The following GRN variants were observed in gnomAD, a reference collection of about 807,000 sequenced individuals.
The protein encoded by GRN is progranulin.
In GRN, 30 loss-of-function variants were observed where a neutral mutation model predicts 66.7. That is an observed-to-expected ratio of 0.45 (90% CI 0.34 to 0.61). The LOEUF (loss-of-function observed/expected upper bound fraction) is 0.61. GRN is among the 20% of genes least tolerant of loss of function. GRN has a pLI of 0.01. For synonymous variants in GRN, 327 were observed against 311.1 expected (o/e 1.05, Z -0.54); for missense variants, 731 against 803.5 (o/e 0.91, Z 1.09).
chr17:44,349,001 C>A (rs967921375), intron 1 of GRN, among the ~76,000 whole-genome samples, 157 bp from the exon 2 acceptor site: 1 of 152,278 alleles, frequency 6.6e-6, no homozygotes, highest in Non-Finnish European at 1.5e-5. Context: ...TGACTCTCAG[C>A]CCCTGCAGAT....
intron 4 of GRN, 70 bp downstream of exon 4, chr17:44,349,821 C>T: frequency 9.6e-7 from 1 of 1,037,752 alleles, no homozygotes; most frequent in South Asian, 1.3e-5. Context: ...AGGAGCCCAG[C>T]TGGCGGGGGC....
chr17:44,349,221 G>T lies in GRN; in HGVS notation c.57G>T (p.Arg19=), dbSNP rs1426790644. The change falls in exon 2 of 13, where the codon CGG becomes CGT. Residue 19 remains arginine (R), a synonymous_variant. Transcript: ENST00000053867. ...CAGCAGGGCTGGTGGCTGGAACGCG[G>T]TGCCCAGATGGTCAGTTCTGCCCTG... The part of the protein sequence containing the change: ...ALTAGLVAGT[R]CPDGQFCPVA... The T allele has an allele frequency of 8.1e-6, 13 of 1,613,940 alleles. No homozygotes were observed. In the East Asian group the frequency reaches 2.9e-4, roughly 36 times the overall value.
At chr17:44,348,733 G>A (rs915030228) in intron 1 of GRN, among the ~76,000 whole-genome samples, 1 of 152,202 alleles carries the variant, frequency 6.6e-6, no homozygotes, top group Non-Finnish European at 1.5e-5. Flanking sequence ...TTCCTGGGGG[G>A]ACTCCCTCCC....
In GRN at chr17:44,352,425, G is replaced by A. The variant is rs781482557; in HGVS notation, c.1498G>A (p.Val500Ile). 5.0e-6 allele frequency: 8 copies of A among 1,614,104 alleles called. No homozygotes were observed. The East Asian group carries it at 1.6e-4, about 31-fold the overall frequency. ...GGCTCGATCCTGCGAGAAGGAAGTG[G>A]TCTCTGCCCAGCCTGCCACCTTCCT... The part of the protein sequence containing the change: ...VKARSCEKEV[V>I]SAQPATFLAR... The change falls in exon 12 of 13, where the codon GTC (valine) becomes ATC (isoleucine). Residue 500 changes from valine (V) to isoleucine (I), a missense_variant. This residue lies in a region of GRN where 319 missense variants were observed against 347.2 expected (regional missense o/e 0.92). Coordinates refer to ENST00000053867, the MANE Select transcript of GRN (RefSeq NM_002087.4).
intron 1 of GRN, among the ~76,000 whole-genome samples, chr17:44,346,696 C>T (rs568899299): frequency 2.2e-4 from 34 of 152,282 alleles, no homozygotes; most frequent in East Asian, 7.7e-4. Flanking sequence ...GGTATCTTCA[C>T]GGAACTGGTT....
Position 44,349,475 on chromosome 17 carries a change from T to C in GRN, c.188T>C (p.Val63Ala). 2 of 1,614,148 alleles carry C rather than the reference T, an allele frequency of 1.2e-6. No homozygotes were observed. Among genetic ancestry groups the C allele is most frequent in the Non-Finnish European group, 8.5e-7 (1 of 1,179,998 alleles). ...AGGCATCTGGGTGGCCCCTGCCAGG[T>C]TGATGCCCACTGCTCTGCCGGCCAC... ...LSRHLGGPCQ[V>A]DAHCSAGHSC... Residue 63 changes from valine (V) to alanine (A), a missense_variant, in exon 3 of 13, where the codon GTT becomes GCT. This residue lies in a region of GRN where 370 missense variants were observed against 379.8 expected (regional missense o/e 0.97). Coordinates refer to ENST00000053867, the MANE Select transcript of GRN (RefSeq NM_002087.4).
Position 44,352,898 on chromosome 17 carries a change from A to C in GRN, c.*100A>C. ...CTCCCCCTAACCAAATTCTCCCTGGACCCCATTCTGAGCTCCCCATCACCA... is the reference window on the plus strand; with the variant it reads ...CTCCCCCTAACCAAATTCTCCCTGGCCCCCATTCTGAGCTCCCCATCACCA... On this transcript the variant is annotated 3_prime_UTR_variant, in exon 13 of 13. Coordinates refer to ENST00000053867, the MANE Select transcript of GRN (RefSeq NM_002087.4). 8.6e-7 allele frequency: 1 copy of C among 1,169,088 alleles called. No homozygotes were observed. The highest frequency in any genetic ancestry group is 1.3e-5 in the South Asian group (1 of 78,558). The allele number at this position is 1,169,088 out of a possible 1,614,324, so 72.4% of individuals were successfully genotyped here.
rs375343686 is a variant in GRN, at chr17:44,350,320, G to A, written c.442G>A (p.Gly148Arg). ...TCCVMVDGSW[G>R]CCPMPQASCC... is the part of the protein sequence containing the mutation. ...CTGTGTTATGGTCGATGGCTCCTGG[G>A]GGTGCTGCCCCATGCCCCAGGTACA... Residue 148 changes from glycine to arginine, a missense_variant, in exon 5 of 13, where the codon GGG becomes AGG. Around this residue, in one of 3 missense-constraint regions of GRN, gnomAD observed 370 missense variants for 379.8 expected, o/e 0.97. Coordinates refer to ENST00000053867, the MANE Select transcript of GRN (RefSeq NM_002087.4). 104 of 1,613,618 alleles carry A rather than the reference G, an allele frequency of 6.4e-5. No individual in the cohort carries two copies. The highest frequency in any genetic ancestry group is 8.6e-5 in the Non-Finnish European group (101 of 1,179,818).
intron 8 of GRN, 39 bp from the exon 9 acceptor site, chr17:44,351,324 A>G: frequency 6.4e-7 from 1 of 1,556,934 alleles, no homozygotes. Context: ...GAGGGTCCCC[A>G]GTGCCACTTC....
Position 44,351,514 on chromosome 17 carries a change from C to T in GRN, c.934-36C>T, listed in dbSNP as rs546624947. 1.7e-4 allele frequency: 270 copies of T among 1,613,514 alleles called. 1 individual carries two copies. The South Asian group carries it at 2.7e-3, about 16-fold the overall frequency. On this transcript the variant is annotated intron_variant, in intron 9 of 12. Transcript: ENST00000053867. ...GAGCACAGTGTGGCAGGCAGCCGGG[C>T]CCCAGTGCCCACCTGCCCTTCTTCA...
chr17:44,346,462 CAGAG>C (rs879729528), intron 1 of GRN, among the ~76,000 whole-genome samples: 8 of 152,256 alleles, frequency 5.3e-5, no homozygotes, highest in African/African-American at 9.6e-5. Context: ...GAGGCACAGA[CAGAG>C]AGCAACTTCT....
Position 44,351,759 on chromosome 17 carries a change from C to G in GRN, c.1143C>G (p.Leu381=). 1 of 1,613,500 alleles carries G rather than the reference C, an allele frequency of 6.2e-7. No homozygotes were observed. The highest frequency in any genetic ancestry group is 8.5e-7 in the Non-Finnish European group (1 of 1,179,850). ...SCPSSDTCCQ[L]TSGEWGCCPI... is the part of the protein sequence containing the mutation. ...CCTCCTCCGATACCTGCTGCCAACT[C>G]ACGTCTGGGGAGTGGGGCTGCTGTC... Residue 381 remains leucine (L), a synonymous_variant, in exon 10 of 13, where the codon CTC becomes CTG. Transcript: ENST00000053867.
Position 44,350,688 on chromosome 17 carries a change from C to T in GRN, c.599-3C>T, listed in dbSNP as rs896674741. ...CTGCCCCTCACGTTTGCTCCTCTTC[C>T]AGTGGCCTTGTCCAGCTCGGTCATG... On this transcript the variant is annotated splice_polypyrimidine_tract_variant and splice_region_variant and intron_variant, in intron 6 of 12. Transcript: ENST00000053867. 6.2e-7 allele frequency: 1 copy of T among 1,613,544 alleles called. No homozygotes were observed. Among genetic ancestry groups the T allele is most frequent in the African/African-American group, 1.3e-5 (1 of 75,028 alleles).
Position 44,352,576 on chromosome 17 carries a change from G to C in GRN, c.1644+5G>C. ...GCCTGCTGTCCCTACCGCCAGGTCAGTGCCAACCCCCATCCTGGGGCTGGG... is the reference window on the plus strand; with the variant it reads ...GCCTGCTGTCCCTACCGCCAGGTCACTGCCAACCCCCATCCTGGGGCTGGG... On this transcript the variant is annotated splice_donor_5th_base_variant and intron_variant, in intron 12 of 12. Transcript: ENST00000053867. 6.2e-7 allele frequency: 1 copy of C among 1,612,918 alleles called. No homozygotes were observed. Among genetic ancestry groups the C allele is most frequent in the Non-Finnish European group, 8.5e-7 (1 of 1,179,966 alleles).
chr17:44,352,370 C>G lies in GRN; in HGVS notation c.1443C>G (p.Cys481Trp). The stretch of plus-strand genomic sequence containing the variant: ...TGTGCTGCGAGGATCGCCAGCACTG[C>G]TGCCCGGCTGGCTACACCTGCAACG... Reference protein sequence around the residue: ...HAVCCEDRQHCCPAGYTCNVK... With the variant: ...HAVCCEDRQHWCPAGYTCNVK... Residue 481 changes from cysteine to tryptophan, a missense_variant, in exon 12 of 13, where the codon TGC becomes TGG. Coordinates refer to ENST00000053867, the MANE Select transcript of GRN (RefSeq NM_002087.4). The G allele has an allele frequency of 6.2e-7, 1 of 1,613,702 alleles. No individual in the cohort carries two copies. The highest frequency in any genetic ancestry group is 8.5e-7 in the Non-Finnish European group (1 of 1,179,996).
rs2048388289 is a variant in GRN at position 44,352,551 on chromosome 17, G to A, written c.1624G>A (p.Ala542Thr). ...CTGCCGAGACAACCGACAGGGCTGG[G>A]CCTGCTGTCCCTACCGCCAGGTCAG... ...TCCRDNRQGW[A>T]CCPYRQGVCC... Residue 542 changes from alanine to threonine, a missense_variant, in exon 12 of 13, where the codon GCC becomes ACC. Transcript: ENST00000053867. 1.9e-6 allele frequency: 3 copies of A among 1,613,436 alleles called. No homozygotes were observed. In the South Asian group the frequency reaches 3.3e-5, roughly 18 times the overall value.
chr17:44,350,936 C>T (rs1272705542), intron 7 of GRN, 101 bp from the exon 8 acceptor site: 1 of 1,448,704 alleles, frequency 6.9e-7, no homozygotes, highest in African/African-American at 1.4e-5. Flanking sequence ...TTCATGCTAC[C>T]CCCTAGTGGG....
In GRN at chr17:44,350,581, A is replaced by T. The variant is rs2143333968; in HGVS notation, c.598+4A>T. 1.2e-6 allele frequency: 2 copies of T among 1,613,696 alleles called. No homozygotes were observed. Among genetic ancestry groups the T allele is most frequent in the Non-Finnish European group, 1.7e-6 (2 of 1,179,792 alleles). ...GCCCAGAGGACTAACAGGGCAGGTG[A>T]GGAGGTGGGAGAGCATCAGGCCAGG... On this transcript the variant is annotated splice_donor_region_variant and intron_variant, in intron 6 of 12. Transcript: ENST00000053867.
intron 1 of GRN, among the ~76,000 whole-genome samples, chr17:44,347,355 C>G (rs2048333471): frequency 1.3e-5 from 2 of 152,170 alleles, no homozygotes; most frequent in African/African-American, 4.8e-5. Flanking sequence ...TTGGCGTGAT[C>G]TCTGCTCACT....
Sources: gnomAD v4.1 joint callset for allele counts (sites outside exome capture counted in the v4.1 genomes callset) on GRCh38, gnomAD v4.1.1 for gene constraint, gnomAD v4.1.1 regional missense constraint, MANE v1.5 for transcripts, NCBI Gene and HGNC (gene_info 2026-07-23, HGNC 2026-07-21) for gene names.